Variants in BCL2L1 observed in about 807,000 individuals in gnomAD.
BCL2L1 encodes the protein bcl-2-like protein 1.
A neutral mutation model predicts 18.7 loss-of-function variants in BCL2L1; 1 was observed. The observed-to-expected ratio is 0.05, with a 90% CI of 0.02 to 0.25. The LOEUF is 0.25. Ranked by LOEUF, BCL2L1 falls within the 10% of genes least tolerant of loss-of-function variation. BCL2L1 has a pLI of 1.00. For missense variants in BCL2L1, 207 were observed against 304.9 expected (o/e 0.68, Z 2.39); for synonymous variants, 103 against 122.7 (o/e 0.84, Z 1.06).
In BCL2L1 at chr20:31,665,706, G is replaced by T; in HGVS notation, c.*243C>A. The T allele has an allele frequency of 1.7e-6, 1 of 581,366 alleles. No individual in the cohort carries two copies. The highest frequency in any genetic ancestry group is 3.0e-6 in the Non-Finnish European group (1 of 334,358). 36.0% of individuals were successfully genotyped at this position (581,366 alleles called of 1,614,324 possible). On this transcript the variant is annotated 3_prime_UTR_variant, in exon 3 of 3. Coordinates refer to ENST00000307677, the MANE Select transcript of BCL2L1 (RefSeq NM_138578.3). Reference sequence around the variant, plus strand: ...CCTTCCATACCTGCCAGCCTCCTTTGGACAGATTTTGTGGAAATTTTGTGA... The same window carrying T: ...CCTTCCATACCTGCCAGCCTCCTTTTGACAGATTTTGTGGAAATTTTGTGA...
chr20:31,695,698 T>A (rs1490701162), intron 2 of BCL2L1, among the ~76,000 whole-genome samples: 2 of 152,220 alleles, frequency 1.3e-5, no homozygotes, highest in Non-Finnish European at 2.9e-5. Context: ...CCTCCTGCCT[T>A]GGCCTCCCAA....
chr20:31,704,926 T>C (rs1054299487), intron 2 of BCL2L1, among the ~76,000 whole-genome samples: 1 of 152,270 alleles, frequency 6.6e-6, no homozygotes, highest in Non-Finnish European at 1.5e-5. Flanking sequence ...ATGAGTATTA[T>C]GTTGGTCTCT....
At chr20:31,723,863 C>G (rs2122894827), upstream of BCL2L1, 1 of 985,490 alleles carries the variant, frequency 1.0e-6, no homozygotes, top group African/African-American at 1.7e-5. Flanking sequence ...TGCCGGCCTA[C>G]CTGGCTGACT....
intron 2 of BCL2L1, among the ~76,000 whole-genome samples, chr20:31,698,894 G>T (rs1219132018): frequency 6.6e-6 from 1 of 152,052 alleles, no homozygotes; most frequent in African/African-American, 2.4e-5. Flanking sequence ...ATCTCCAATA[G>T]TGTGGTGGCT....
intron 2 of BCL2L1, among the ~76,000 whole-genome samples, chr20:31,708,470 A>C (rs921045319): frequency 1.3e-5 from 2 of 152,244 alleles, no homozygotes; most frequent in African/African-American, 4.8e-5. Context: ...GACAATTTCT[A>C]AGCATTGTAA....
At chr20:31,714,343 C>T (rs566976334) in intron 2 of BCL2L1, among the ~76,000 whole-genome samples, 2 of 152,336 alleles carry the variant, frequency 1.3e-5, no homozygotes, top group East Asian at 3.9e-4. Flanking sequence ...CCAGTGCTTA[C>T]ACCACCATTG....
chr20:31,696,730 C>T (rs1222404100), intron 2 of BCL2L1, among the ~76,000 whole-genome samples: 1 of 152,116 alleles, frequency 6.6e-6, no homozygotes, highest in Non-Finnish European at 1.5e-5. Flanking sequence ...CTGGACAACA[C>T]AGTGAGACCT....
chr20:31,712,420 T>C (rs956307682), intron 2 of BCL2L1, among the ~76,000 whole-genome samples: 2 of 152,314 alleles, frequency 1.3e-5, no homozygotes, highest in Admixed American at 1.3e-4. Flanking sequence ...TATTAATACA[T>C]GTAAAGCACT....
chr20:31,722,396 T>C, intron 1 of BCL2L1, 48 bp from the exon 2 acceptor site: 1 of 461,990 alleles, frequency 2.2e-6, no homozygotes, highest in Non-Finnish European at 3.6e-6. Flanking sequence ...ACCCTAAAAA[T>C]TCCATTCCCC....
chr20:31,720,952 T>C, intron 2 of BCL2L1: 1 of 985,456 alleles, frequency 1.0e-6, no homozygotes, highest in Non-Finnish European at 1.2e-6. Flanking sequence ...CCTGGCTTAA[T>C]GTGTGACACA....
chr20:31,707,751 C>A (rs1352191793), intron 2 of BCL2L1, among the ~76,000 whole-genome samples: 1 of 147,406 alleles, frequency 6.8e-6, no homozygotes, highest in Non-Finnish European at 1.5e-5. Flanking sequence ...GCACTCCAGC[C>A]TGGGCAACAA....
chr20:31,685,634 G>A (rs1281609091), intron 2 of BCL2L1, among the ~76,000 whole-genome samples: 1 of 152,122 alleles, frequency 6.6e-6, no homozygotes, highest in African/African-American at 2.4e-5. Flanking sequence ...AGCACCACGG[G>A]CCTCACTTTT....
At chr20:31,666,180 G>A in intron 2 of BCL2L1, 94 bp from the exon 3 acceptor site, 1 of 1,498,744 alleles carries the variant, frequency 6.7e-7, no homozygotes, top group Non-Finnish European at 9.1e-7. Context: ...TGGCCTTGGT[G>A]ATGTGAAAAA....
At chr20:31,684,194 A>C (rs1263543577) in intron 2 of BCL2L1, among the ~76,000 whole-genome samples, 1 of 152,150 alleles carries the variant, frequency 6.6e-6, no homozygotes, top group African/African-American at 2.4e-5. Flanking sequence ...AATCTCAGGA[A>C]AGGTATAGCT....
At chr20:31,704,263 G>T (rs2061336241) in intron 2 of BCL2L1, among the ~76,000 whole-genome samples, 2 of 151,730 alleles carry the variant, frequency 1.3e-5, no homozygotes, top group African/African-American at 2.4e-5. Flanking sequence ...ACCACACCCG[G>T]CTAATTTTTG....
chr20:31,689,244 G>A, intron 2 of BCL2L1, among the ~76,000 whole-genome samples: 1 of 116,412 alleles, frequency 8.6e-6, no homozygotes, highest in Admixed American at 9.4e-5. Context: ...AGGAAGAAAG[G>A]GGAAGGGAAA....
intron 2 of BCL2L1, among the ~76,000 whole-genome samples, chr20:31,713,821 A>T (rs943792574): frequency 6.6e-6 from 1 of 152,252 alleles, no homozygotes; most frequent in African/African-American, 2.4e-5. Flanking sequence ...GACTTGCCCA[A>T]GGTCACACAG....
At chr20:31,682,431 T>G (rs2060880074) in intron 2 of BCL2L1, among the ~76,000 whole-genome samples, 1 of 152,198 alleles carries the variant, frequency 6.6e-6, no homozygotes, top group Non-Finnish European at 1.5e-5. Context: ...TTATATGTGA[T>G]TCTGTTATTA....
At chr20:31,670,802 G>C (rs1239696442) in intron 2 of BCL2L1, among the ~76,000 whole-genome samples, 1 of 152,088 alleles carries the variant, frequency 6.6e-6, no homozygotes, top group Non-Finnish European at 1.5e-5. Context: ...CGGTGGCGTG[G>C]GTATATTTAG....
Sources: allele counts gnomAD v4.1 joint callset (sites outside exome capture counted in the v4.1 genomes callset), GRCh38; gene constraint gnomAD v4.1.1; transcripts MANE v1.5; gene names NCBI Gene and HGNC (gene_info 2026-07-23, HGNC 2026-07-21).